Variants in ZNF420 observed in about 807,000 individuals in gnomAD.
ZNF420 encodes zinc finger protein 420.
In ZNF420, 31 loss-of-function variants were observed where a neutral mutation model predicts 44.7. The ratio of observed to expected loss-of-function variants is 0.69; its 90% CI spans 0.52 to 0.94. The LOEUF (loss-of-function observed/expected upper bound fraction) is 0.94. Ranked by LOEUF, ZNF420 falls within the 40% of genes least tolerant of loss-of-function variation. The probability of loss-of-function intolerance (pLI) is 0.00; values close to 1 mark genes in which losing one functional copy is unlikely to be tolerated. For synonymous variants in ZNF420, 245 were observed against 267.4 expected (o/e 0.92, Z 0.82); for missense variants, 681 against 827.9 (o/e 0.82, Z 2.18).
intron 1 of ZNF420, among the ~76,000 whole-genome samples, chr19:37,014,734 C>T (rs889457808): frequency 2.0e-5 from 3 of 152,234 alleles, no homozygotes; most frequent in African/African-American, 7.2e-5. Flanking sequence ...TCCCAGGGAC[C>T]ACCACCATTG....
At chr19:37,116,477 G>A (rs958864220) in intron 4 of ZNF420, among the ~76,000 whole-genome samples, 9 of 152,030 alleles carry the variant, frequency 5.9e-5, no homozygotes, top group Non-Finnish European at 1.3e-4. Flanking sequence ...TATGGGTGGA[G>A]CCAAGATGGC....
At chr19:37,009,951 A>G (rs944755351) in intron 1 of ZNF420, among the ~76,000 whole-genome samples, 1 of 151,740 alleles carries the variant, frequency 6.6e-6, no homozygotes, top group African/African-American at 2.4e-5. Context: ...GCCGCCCCCT[A>G]CTTGATCCCG....
intron 1 of ZNF420, among the ~76,000 whole-genome samples, chr19:37,014,417 A>G (rs1599592956): frequency 6.6e-6 from 1 of 152,032 alleles, no homozygotes; most frequent in African/African-American, 2.4e-5. Flanking sequence ...TTCTGCCCAT[A>G]CCTTCCAATC....
intron 4 of ZNF420, among the ~76,000 whole-genome samples, chr19:37,113,638 A>T (rs2146678055): frequency 6.6e-6 from 1 of 152,230 alleles, no homozygotes; most frequent in Non-Finnish European, 1.5e-5. Flanking sequence ...GTCTTATTGT[A>T]TTGAATGAGG....
intron 1 of ZNF420, among the ~76,000 whole-genome samples, chr19:37,039,078 AC>A (rs1168718539): frequency 6.6e-6 from 1 of 152,030 alleles, no homozygotes; most frequent in African/African-American, 2.4e-5. Context: ...TGTTATCTCC[AC>A]CACAACTGTG....
chr19:37,127,720 A>C lies in ZNF420; in HGVS notation c.729A>C (p.Lys243Asn), dbSNP rs775585428. 10 of 1,613,872 alleles carry C rather than the reference A, an allele frequency of 6.2e-6. No individual in the cohort carries two copies. The highest frequency in any genetic ancestry group is 1.6e-4 in the Middle Eastern group (1 of 6,084). Residue 243 changes from lysine to asparagine, a missense_variant, in exon 5 of 5, where the codon AAA becomes AAC. Physicochemically the swap from Lys to Asn is moderately conservative, Grantham distance 94. Around this residue, in one of 3 missense-constraint regions of ZNF420, gnomAD observed 350 missense variants for 382.5 expected, o/e 0.92. Coordinates refer to ENST00000337995, the MANE Select transcript of ZNF420 (RefSeq NM_144689.5). ...IRSSQLTRHQ[K>N]VHTGEKPYEC... ...GCTCACAACTTACCCGACATCAAAA[A>C]GTTCATACTGGTGAGAAACCTTATG...
At chr19:37,046,327 C>T (rs539192372) in intron 1 of ZNF420, among the ~76,000 whole-genome samples, 2 of 152,114 alleles carry the variant, frequency 1.3e-5, no homozygotes, top group African/African-American at 4.8e-5. Context: ...TACCAAAGGC[C>T]CTGGAGAAAC....
chr19:37,080,288 G>A (rs1307130561), intron 1 of ZNF420, 57 bp from the exon 2 acceptor site: 2 of 152,578 alleles, frequency 1.3e-5, no homozygotes, highest in Non-Finnish European at 2.9e-5. Flanking sequence ...TTATAATTTA[G>A]CATATTCCCC....
At chr19:37,125,430 G>A (rs1483024664) in intron 4 of ZNF420, among the ~76,000 whole-genome samples, 2 of 152,162 alleles carry the variant, frequency 1.3e-5, no homozygotes, top group Non-Finnish European at 2.9e-5. Context: ...GTATGGAGGT[G>A]CTTTTGTTTC....
intron 2 of ZNF420, among the ~76,000 whole-genome samples, chr19:37,087,677 ACT>A (rs1490186446): frequency 6.6e-6 from 1 of 151,934 alleles, no homozygotes; most frequent in African/African-American, 2.4e-5. Flanking sequence ...ACAGAGTCTC[ACT>A]CTGTCGCCCA....
chr19:37,049,403 C>T (rs1815629698), intron 1 of ZNF420, among the ~76,000 whole-genome samples: 1 of 152,170 alleles, frequency 6.6e-6, no homozygotes, highest in South Asian at 2.1e-4. Context: ...TTAATGACCG[C>T]CATTCTAACT....
At chr19:37,085,506 C>T (rs1193760659) in intron 2 of ZNF420, among the ~76,000 whole-genome samples, 2 of 152,142 alleles carry the variant, frequency 1.3e-5, no homozygotes, top group Admixed American at 6.5e-5. Context: ...ACTTGGTGCA[C>T]TTCTAGTGCA....
intron 1 of ZNF420, among the ~76,000 whole-genome samples, chr19:37,026,309 C>T (rs1186243194): frequency 1.3e-5 from 2 of 151,376 alleles, no homozygotes; most frequent in South Asian, 2.1e-4. Flanking sequence ...AGGCATGTGC[C>T]ACCATGCCCG....
At chr19:37,094,467 T>C (rs993306157) in intron 4 of ZNF420, among the ~76,000 whole-genome samples, 9 of 152,182 alleles carry the variant, frequency 5.9e-5, no homozygotes, top group African/African-American at 2.2e-4. Flanking sequence ...ATTTTATAGT[T>C]TTTATTGATT....
chr19:37,026,238 A>G (rs899662668), intron 1 of ZNF420, among the ~76,000 whole-genome samples: 1 of 149,488 alleles, frequency 6.7e-6, no homozygotes. Context: ...GCTCACTGCA[A>G]CCTCCGCCTC....
At chr19:37,047,931 C>T (rs1489073105) in intron 1 of ZNF420, among the ~76,000 whole-genome samples, 3 of 152,130 alleles carry the variant, frequency 2.0e-5, no homozygotes, top group Non-Finnish European at 2.9e-5. Context: ...ACAGATTCAT[C>T]GATGGCTTGG....
intron 1 of ZNF420, among the ~76,000 whole-genome samples, chr19:37,021,809 C>A (rs1021478561): frequency 6.6e-6 from 1 of 151,384 alleles, no homozygotes; most frequent in African/African-American, 2.4e-5. Context: ...TGGTGGCGTA[C>A]ACCTGTAGTC....
At chr19:37,057,508 C>CTG (rs1018945180) in intron 1 of ZNF420, among the ~76,000 whole-genome samples, 14 of 151,818 alleles carry the variant, frequency 9.2e-5, no homozygotes, top group South Asian at 6.2e-4. Context: ...CTCTCTTTCT[C>CTG]TGTGTGTGTG....
chr19:37,063,361 C>T (rs960440924), intron 1 of ZNF420, among the ~76,000 whole-genome samples: 1 of 152,122 alleles, frequency 6.6e-6, no homozygotes, highest in African/African-American at 2.4e-5. Flanking sequence ...TTATCTCTCC[C>T]TTTCCCAGGC....
Sources: allele counts gnomAD v4.1 joint callset (sites outside exome capture counted in the v4.1 genomes callset), GRCh38; gene constraint gnomAD v4.1.1; regional missense constraint gnomAD v4.1.1; transcripts MANE v1.5; gene names NCBI Gene and HGNC (gene_info 2026-07-23, HGNC 2026-07-21).